AHRR: variants seen among roughly 807,000 people sequenced by gnomAD.
AHRR encodes ahR repressor.
A neutral mutation model predicts 44.0 loss-of-function variants in AHRR; 28 were observed. The ratio of observed to expected loss-of-function variants is 0.64; its 90% CI spans 0.47 to 0.87. AHRR has a LOEUF of 0.87. Ranked by LOEUF, AHRR falls within the 40% of genes least tolerant of loss-of-function variation. The pLI is 0.00. For missense variants in AHRR, 990 were observed against 953.9 expected (o/e 1.04, Z -0.50); for synonymous variants, 434 against 407.0 (o/e 1.07, Z -0.80).
intron 2 of AHRR, among the ~76,000 whole-genome samples, chr5:344,500 GT>G (rs1270060672): frequency 4.3e-3 from 13 of 3,036 alleles, no homozygotes; most frequent in African/African-American, 0.036. Flanking sequence ...CTGTGTGTGT[GT>G]GGGTGTGTGT....
At chr5:354,605 C>T (rs1742978697) in intron 3 of AHRR, among the ~76,000 whole-genome samples, 1 of 152,176 alleles carries the variant, frequency 6.6e-6, no homozygotes, top group African/African-American at 2.4e-5. Context: ...AGGTGTAGAC[C>T]GTGGGGCCTT....
At position 402,997 on chromosome 5, in the gene AHRR, C is replaced by T. The variant is rs541623475; in HGVS notation, c.352-10347C>T. On this transcript the variant is annotated intron_variant, in intron 4 of 10. Transcript: ENST00000684583. ...TGGAATCTAAAAAAGTGGAACTCATCGAAACAGAGAGTCAGTGGTTACCAG... is the reference window on the plus strand; with the variant it reads ...TGGAATCTAAAAAAGTGGAACTCATTGAAACAGAGAGTCAGTGGTTACCAG... Among the ~76,000 whole-genome samples the T allele has an allele frequency of 3.9e-5, 6 of 152,114 alleles. No individual in the cohort carries two copies. The East Asian group carries it at 7.7e-4, about 20-fold the overall frequency.
intron 4 of AHRR, among the ~76,000 whole-genome samples, chr5:389,846 G>A (rs1734333439): frequency 6.8e-6 from 1 of 147,960 alleles, no homozygotes; most frequent in African/African-American, 2.5e-5. Context: ...AAGACGAGCT[G>A]GAGGGAACAG....
At chr5:386,480 A>G (rs1734171884) in intron 4 of AHRR, among the ~76,000 whole-genome samples, 1 of 152,258 alleles carries the variant, frequency 6.6e-6, no homozygotes. Flanking sequence ...GGCCAGAGAA[A>G]GAGATGTGGC....
In AHRR at chr5:434,028, C is replaced by T. The variant is rs1431925954; in HGVS notation, c.1288C>T (p.Pro430Ser). 1.2e-6 allele frequency: 2 copies of T among 1,602,356 alleles called. No individual in the cohort carries two copies. Among genetic ancestry groups the T allele is most frequent in the Non-Finnish European group, 1.7e-6 (2 of 1,175,042 alleles). Reference sequence around the variant, plus strand: ...TGACCCGCCCTCCCTGCGCCCCATGCCCCGCGGCTCCTGCCTGCCCTGCCC... The same window carrying T: ...TGACCCGCCCTCCCTGCGCCCCATGTCCCGCGGCTCCTGCCTGCCCTGCCC... ...KNDPPSLRPMPRGSCLPCPCV... is the reference protein window; with the variant it reads ...KNDPPSLRPMSRGSCLPCPCV... Residue 430 changes from proline (P) to serine (S), a missense_variant, in exon 11 of 11, where the codon CCC (proline) becomes TCC (serine). By Grantham distance (74) the Pro-to-Ser change is moderately conservative (BLOSUM62 -1). Coordinates refer to ENST00000684583, the MANE Select transcript of AHRR (RefSeq NM_001377236.1).
chr5:372,822 G>A (rs974608919), intron 3 of AHRR, among the ~76,000 whole-genome samples: 2 of 152,304 alleles, frequency 1.3e-5, no homozygotes, highest in Admixed American at 6.5e-5. Context: ...GGGTCAGACC[G>A]AGTCACAGGC....
chr5:325,669 C>T (rs1741682157), intron 1 of AHRR, among the ~76,000 whole-genome samples: 1 of 152,248 alleles, frequency 6.6e-6, no homozygotes, highest in Non-Finnish European at 1.5e-5. Context: ...GCATCTGTCC[C>T]TGCTCCAATC....
chr5:432,526 T>A lies in AHRR; in HGVS notation c.970+2T>A, dbSNP rs1736777152. 1.2e-6 allele frequency: 2 copies of A among 1,613,644 alleles called. No individual in the cohort carries two copies. The highest frequency in any genetic ancestry group is 1.7e-6 in the Non-Finnish European group (2 of 1,179,554). ...ATGGAAAACCCAATTACTCAGCAGGTACTTAGAACATTTCTTATCTGATCT... is the reference window on the plus strand; with the variant it reads ...ATGGAAAACCCAATTACTCAGCAGGAACTTAGAACATTTCTTATCTGATCT... On this transcript the variant is annotated splice_donor_variant, in intron 9 of 10. Transcript: ENST00000684583. LOFTEE classifies it high-confidence loss of function.
intron 2 of AHRR, among the ~76,000 whole-genome samples, chr5:344,983 G>T (rs1742561998): frequency 7.8e-6 from 1 of 127,472 alleles, no homozygotes; most frequent in Non-Finnish European, 1.7e-5. Flanking sequence ...TGTGGGGTGT[G>T]TGTGAGGCTG....
At chr5:397,009 TTAGCCCCTGACCATCCATG>T (rs1462435904) in intron 4 of AHRR, among the ~76,000 whole-genome samples, 1 of 143,154 alleles carries the variant, frequency 7.0e-6, no homozygotes, top group East Asian at 2.0e-4. Flanking sequence ...ACCATCCACG[TTAGCCCCTGACCATCCATG>T]TAGCCCCTGA....
At position 404,918 on chromosome 5, in the gene AHRR, C is replaced by T. The variant is rs1334825919; in HGVS notation, c.352-8426C>T. Among the ~76,000 whole-genome samples, 2 of 152,094 alleles carry T rather than the reference C, an allele frequency of 1.3e-5. No individual in the cohort carries two copies. Among genetic ancestry groups the T allele is most frequent in the Non-Finnish European group, 2.9e-5 (2 of 68,022 alleles). On this transcript the variant is annotated intron_variant, in intron 4 of 10. Coordinates refer to ENST00000684583, the MANE Select transcript of AHRR (RefSeq NM_001377236.1). This position sits in a 1 kb window ranked among gnomAD's most constrained non-coding sequence, Gnocchi z 4.1. ...TCAGTCCATTTTGAGGAGGCTGGCA[C>T]GAGGCTGTCTTCACACTCCCCGCGG...
intron 8 of AHRR, chr5:432,201 CCTT>C: frequency 2.3e-6 from 1 of 441,126 alleles, no homozygotes; most frequent in Non-Finnish European, 4.1e-6. Flanking sequence ...ATGATTTTAT[CCTT>C]CTACTTTCTG....
At chr5:327,962 G>C (rs892081603) in intron 1 of AHRR, among the ~76,000 whole-genome samples, 2 of 152,090 alleles carry the variant, frequency 1.3e-5, no homozygotes, top group African/African-American at 4.8e-5. Context: ...AGTCCCCAGA[G>C]TGTGATGTTC....
At chr5:339,344 C>T (rs1742250594) in intron 1 of AHRR, among the ~76,000 whole-genome samples, 1 of 152,168 alleles carries the variant, frequency 6.6e-6, no homozygotes, top group South Asian at 2.1e-4. Context: ...TGGTCTCAAA[C>T]TCCTGGGCTC....
chr5:423,007 C>T (rs919696662), intron 6 of AHRR, 149 bp downstream of exon 6: 2 of 1,143,902 alleles, frequency 1.7e-6, no homozygotes, highest in Admixed American at 3.1e-5. Context: ...TCTTCAGAGG[C>T]CTCCTCCCAT....
intron 1 of AHRR, among the ~76,000 whole-genome samples, chr5:331,988 C>T (rs1579586348): frequency 6.6e-6 from 1 of 152,166 alleles, no homozygotes; most frequent in East Asian, 1.9e-4. Flanking sequence ...TGCTATATCC[C>T]ATAGGTTTTT....
chr5:338,121 C>T lies in AHRR; in HGVS notation c.-10-5772C>T, dbSNP rs1742208989. ...CCCGGGTCTGTGTAGCCGCCATATA[C>T]TTGATGTCCACGTTTGTTGTGAACC... On this transcript the variant is annotated intron_variant, in intron 1 of 10. Coordinates refer to ENST00000684583, the MANE Select transcript of AHRR (RefSeq NM_001377236.1). This position sits in a 1 kb window ranked among gnomAD's most constrained non-coding sequence, Gnocchi z 4.1. 6.6e-6 allele frequency among the ~76,000 whole-genome samples: 1 copy of T among 152,190 alleles called. No homozygotes were observed. The highest frequency in any genetic ancestry group is 1.5e-5 in the Non-Finnish European group (1 of 68,044).
In AHRR at chr5:383,721, C is replaced by A. The variant is rs1016534879; in HGVS notation, c.351+7005C>A. On this transcript the variant is annotated intron_variant, in intron 4 of 10. Transcript: ENST00000684583. The surrounding 1 kb of genome is among the most constrained non-coding windows in gnomAD (Gnocchi z 4.0). Reference sequence around the variant, plus strand: ...GGGACTACAAGCATGTGCCACCATACCCAGCTAATTAAAATTCTTTTTTAT... The same window carrying A: ...GGGACTACAAGCATGTGCCACCATAACCAGCTAATTAAAATTCTTTTTTAT... Among the ~76,000 whole-genome samples the A allele has an allele frequency of 1.3e-5, 2 of 152,088 alleles. No individual in the cohort carries two copies. Among genetic ancestry groups the A allele is most frequent in the African/African-American group, 4.8e-5 (2 of 41,404 alleles).
Position 423,887 on chromosome 5 carries a change from C to T in AHRR, c.618C>T (p.Gly206=), listed in dbSNP as rs1223504971. The T allele has an allele frequency of 1.2e-6, 2 of 1,605,150 alleles. No individual in the cohort carries two copies. The highest frequency in any genetic ancestry group is 1.7e-6 in the Non-Finnish European group (2 of 1,179,858). ...LGRLLRAQEW[G]TGTPTEYSAF... ...GGCTGCTCAGGGCCCAGGAGTGGGG[C>T]ACAGGCACGCCCACCGAGTACTCGG... Residue 206 remains glycine, a synonymous_variant, in exon 7 of 11, where the codon GGC becomes GGT. Coordinates refer to ENST00000684583, the MANE Select transcript of AHRR (RefSeq NM_001377236.1).
Sources: gnomAD v4.1 joint callset for allele counts (sites outside exome capture counted in the v4.1 genomes callset) on GRCh38, gnomAD v4.1.1 for gene constraint, Gnocchi (gnomAD v3.1) non-coding constraint, MANE v1.5 for transcripts, NCBI Gene and HGNC (gene_info 2026-07-23, HGNC 2026-07-21) for gene names.